Variants in A2ML1 observed in about 807,000 individuals in gnomAD.
A2ML1 encodes the protein alpha-2-macroglobulin-like protein 1.
A neutral mutation model predicts 181.9 loss-of-function variants in A2ML1; 161 were observed. That is an observed-to-expected ratio of 0.89 (90% CI 0.78 to 1.01). The LOEUF is 1.01. Ranked by LOEUF, A2ML1 falls within the 50% of genes least tolerant of loss-of-function variation. A2ML1 has a pLI of 0.00. For missense variants in A2ML1, 1,670 were observed against 1,768.1 expected, an observed-to-expected ratio of 0.94 and a Z score of 1.00; for synonymous variants, 663 against 666.8, an observed-to-expected ratio of 0.99 and a Z score of 0.09.
intron 15 of A2ML1, 76 bp downstream of exon 15, chr12:8,847,774 G>A: frequency 6.5e-7 from 1 of 1,528,074 alleles, no homozygotes. Flanking sequence ...TTTCAGGCAG[G>A]GGAGAGAAAG....
intron 15 of A2ML1, among the ~76,000 whole-genome samples, chr12:8,848,350 G>A (rs1421997922): frequency 2.0e-5 from 3 of 151,146 alleles, no homozygotes; most frequent in Non-Finnish European, 2.9e-5. Context: ...GCATGGTGGC[G>A]CATGCCTGTA....
intron 15 of A2ML1, among the ~76,000 whole-genome samples, chr12:8,848,075 C>T (rs1372821085): frequency 1.4e-5 from 2 of 147,460 alleles, no homozygotes; most frequent in Non-Finnish European, 3.0e-5. Context: ...ACCTGGGAGG[C>T]GGAGGTTGTA....
In A2ML1 at chr12:8,863,834, G is replaced by A. The variant is rs761466217; in HGVS notation, c.3543G>A (p.Ser1181=). 12 of 1,614,090 alleles carry A rather than the reference G, an allele frequency of 7.4e-6. No homozygotes were observed. Among genetic ancestry groups the A allele is most frequent in the East Asian group, 2.2e-5 (1 of 44,874 alleles). ...GGAGCCAGAAACCTACTCCATCATC[G>A]AACGCCAGCCCTTGGTCTGAGCCTG... ...IYWSQKPTPS[S]NASPWSEPAA... The change falls in exon 29 of 36, where the codon TCG becomes TCA. Residue 1181 remains serine (S), a synonymous_variant. Coordinates refer to ENST00000299698, the MANE Select transcript of A2ML1 (RefSeq NM_144670.6).
intron 13 of A2ML1, 151 bp from the exon 14 acceptor site, chr12:8,845,926 G>T: frequency 1.7e-6 from 1 of 573,252 alleles, no homozygotes. Flanking sequence ...TGGAATTGGA[G>T]CACTAACAGT....
chr12:8,860,541 G>A (rs754538103), intron 26 of A2ML1, among the ~76,000 whole-genome samples: 7 of 152,234 alleles, frequency 4.6e-5, no homozygotes, highest in East Asian at 3.9e-4. Context: ...GCTCAGATGC[G>A]GTGATGCGGC....
intron 7 of A2ML1, among the ~76,000 whole-genome samples, chr12:8,836,796 A>G (rs776665430): frequency 6.6e-6 from 1 of 151,920 alleles, no homozygotes; most frequent in African/African-American, 2.4e-5. Context: ...AACATATTTT[A>G]TAGTTGTGTT....
intron 7 of A2ML1, among the ~76,000 whole-genome samples, chr12:8,884,166 C>T (rs1174780136): frequency 6.6e-6 from 1 of 150,834 alleles, no homozygotes; most frequent in African/African-American, 2.4e-5. Context: ...GAAAAAGGAT[C>T]TGTTCAAGGC....
In A2ML1 at chr12:8,867,974, T is replaced by C. The variant is rs1565492609; in HGVS notation, c.3850T>C (p.Leu1284=). 2 of 1,614,182 alleles carry C rather than the reference T, an allele frequency of 1.2e-6. No individual in the cohort carries two copies. Among genetic ancestry groups the C allele is most frequent in the Non-Finnish European group, 1.7e-6 (2 of 1,180,038 alleles). ...RTFNIQSVNR[L]VFQQDTLPNV... is the part of the protein sequence containing the mutation. ...ATTCAACATACAGTCAGTTAACAGA[T>C]TGGTATTTCAGCAGGATACCCTGCC... is the stretch of plus-strand genomic sequence containing the variant. The change falls in exon 30 of 36, where the codon TTG becomes CTG. Residue 1284 remains leucine, a synonymous_variant. Transcript: ENST00000299698.
rs1943359115 is a variant in A2ML1, at chr12:8,838,455, G to A, written c.970+5G>A. 2.5e-6 allele frequency: 4 copies of A among 1,609,378 alleles called. No individual in the cohort carries two copies. The highest frequency in any genetic ancestry group is 3.4e-6 in the Non-Finnish European group (4 of 1,176,644). Reference sequence around the variant, plus strand: ...CTGTTGTGGAGGAAGGGACAGGTAAGTAGGGTGCTCCTTGGCTCATTAAGA... The same window carrying A: ...CTGTTGTGGAGGAAGGGACAGGTAAATAGGGTGCTCCTTGGCTCATTAAGA... On this transcript the variant is annotated splice_donor_5th_base_variant and intron_variant, in intron 9 of 35. Coordinates refer to ENST00000299698, the MANE Select transcript of A2ML1 (RefSeq NM_144670.6).
chr12:8,874,130 C>T (rs1944720215), intron 33 of A2ML1, among the ~76,000 whole-genome samples: 1 of 152,144 alleles, frequency 6.6e-6, no homozygotes, highest in Admixed American at 6.5e-5. Flanking sequence ...ATTCTTCTGC[C>T]TCAGCCTCCT....
At chr12:8,830,582 C>T (rs1331412945) in intron 4 of A2ML1, 1 of 152,174 alleles carries the variant, frequency 6.6e-6, no homozygotes, top group Admixed American at 6.5e-5. Context: ...GACTCCCCAT[C>T]CCTAGAATCA....
At chr12:8,830,598 C>T (rs936521992) in intron 4 of A2ML1, 1 of 152,146 alleles carries the variant, frequency 6.6e-6, no homozygotes, top group Admixed American at 6.5e-5. Context: ...AATCATAAGC[C>T]TTACCACAGG....
downstream of A2ML1, among the ~76,000 whole-genome samples, chr12:8,881,425 G>C (rs747861452): frequency 4.6e-5 from 7 of 152,318 alleles, no homozygotes; most frequent in Non-Finnish European, 8.8e-5. Context: ...GACCATTTTA[G>C]TAAGATTTGT....
Position 8,852,029 on chromosome 12 carries a change from C to T in A2ML1, c.2463+17C>T. 1 of 1,611,016 alleles carries T rather than the reference C, an allele frequency of 6.2e-7. No individual in the cohort carries two copies. Among genetic ancestry groups the T allele is most frequent in the Non-Finnish European group, 8.5e-7 (1 of 1,177,212 alleles). Reference sequence around the variant, plus strand: ...TGCATCAGGGTGAGAGCTGGGGATACAGGAATCAGGTGTCAGCCCTGGAAT... The same window carrying T: ...TGCATCAGGGTGAGAGCTGGGGATATAGGAATCAGGTGTCAGCCCTGGAAT... On this transcript the variant is annotated intron_variant, in intron 19 of 35. Transcript: ENST00000299698. The surrounding 1 kb of genome is among the most constrained non-coding windows in gnomAD (Gnocchi z 4.2).
intron 5 of A2ML1, 175 bp downstream of exon 5, chr12:8,834,857 C>T (rs1943221955): frequency 3.1e-6 from 2 of 650,736 alleles, no homozygotes; most frequent in Non-Finnish European, 5.3e-6. Context: ...TGCCTCTGCC[C>T]TCCTAGTCTC....
rs1216994504 is a variant in A2ML1, at chr12:8,860,873, G to C, written c.3265-8G>C. 1 of 1,613,966 alleles carries C rather than the reference G, an allele frequency of 6.2e-7. No individual in the cohort carries two copies. Among genetic ancestry groups the C allele is most frequent in the South Asian group, 1.1e-5 (1 of 91,070 alleles). ...GCCCTGACTCACTGCCTCCCTGTTT[G>C]CCTCTAGGGTGGTGTTGATGATGAG... On this transcript the variant is annotated splice_polypyrimidine_tract_variant and splice_region_variant and intron_variant, in intron 26 of 35. Transcript: ENST00000299698.
chr12:8,874,732 G>A lies in A2ML1; in HGVS notation c.4324+205G>A, dbSNP rs7964759. Among the ~76,000 whole-genome samples the A allele has an allele frequency of 0.038, 5,853 of 152,230 alleles. 374 individuals carry two copies. Among genetic ancestry groups the A allele is most frequent in the African/African-American group, 0.13 (5,506 of 41,514 alleles). ...GTTGCGTACACTAGAGACATTTTAT[G>A]TGATCGGAGAACAATGTGAACCATT... On this transcript the variant is annotated intron_variant, in intron 34 of 35. Transcript: ENST00000299698.
intron 3 of A2ML1, 122 bp downstream of exon 3, chr12:8,824,004 A>C: frequency 3.1e-5 from 34 of 1,096,766 alleles, no homozygotes; most frequent in Non-Finnish European, 3.2e-5. Flanking sequence ...GGAGAGGAAA[A>C]TCTGGGGGGA....
intron 33 of A2ML1, among the ~76,000 whole-genome samples, chr12:8,872,871 T>G (rs1944676553): frequency 6.6e-6 from 1 of 152,316 alleles, no homozygotes; most frequent in South Asian, 2.1e-4. Flanking sequence ...GCATTTTTGC[T>G]TTAATATCTG....
Sources: gnomAD v4.1 joint callset for allele counts (sites outside exome capture counted in the v4.1 genomes callset) on GRCh38, gnomAD v4.1.1 for gene constraint, Gnocchi (gnomAD v3.1) non-coding constraint, MANE v1.5 for transcripts, NCBI Gene and HGNC (gene_info 2026-07-23, HGNC 2026-07-21) for gene names.